The following TEDC1 variants were observed in gnomAD, a reference collection of about 807,000 sequenced individuals.
TEDC1 encodes the protein tubulin epsilon and delta complex 1, also known as tubulin epsilon and delta complex protein 1.
TEDC1 carries 54 observed loss-of-function variants against 59.9 expected under a neutral mutation model. The observed-to-expected ratio is 0.90, with a 90% CI of 0.72 to 1.13. The LOEUF (loss-of-function observed/expected upper bound fraction) is 1.13. Ranked by LOEUF, TEDC1 falls within the 50% of genes most tolerant of loss-of-function variation. The pLI, the probability that TEDC1 is intolerant of heterozygous loss-of-function variation, is 0.00. For synonymous variants in TEDC1, 353 were observed against 298.1 expected, an observed-to-expected ratio of 1.18 and a Z score of -1.90; for missense variants, 734 against 683.4, an observed-to-expected ratio of 1.07 and a Z score of -0.83.
At chr14:105,493,372 C>T (rs1479892804) in intron 4 of TEDC1, among the ~76,000 whole-genome samples, 1 of 151,960 alleles carries the variant, frequency 6.6e-6, no homozygotes, top group Non-Finnish European at 1.5e-5. Flanking sequence ...GCACCAGCTG[C>T]TCCGCTTACT....
Position 105,498,905 on chromosome 14 carries a change from G to T in TEDC1, c.1447G>T (p.Ala483Ser). The T allele has an allele frequency of 6.2e-7, 1 of 1,610,954 alleles. No individual in the cohort carries two copies. Among genetic ancestry groups the T allele is most frequent in the Non-Finnish European group, 8.5e-7 (1 of 1,179,540 alleles). Residue 483 changes from alanine to serine, a missense_variant, in exon 9 of 9, where the codon GCC becomes TCC. Transcript: ENST00000392523. ...CRQELARLVG[A>S]RPGLIWIPPP... The stretch of plus-strand genomic sequence containing the variant: ...GCAGGAACTGGCCAGGCTGGTGGGA[G>T]CCCGCCCTGGTCTCATCTGGATCCC...
intron 3 of TEDC1, 79 bp downstream of exon 3, chr14:105,492,388 C>A: frequency 6.4e-7 from 1 of 1,562,632 alleles, no homozygotes; most frequent in Non-Finnish European, 8.7e-7. Context: ...CTGGGTCAGC[C>A]CCCTCTGTCT....
chr14:105,498,101 T>G, intron 8 of TEDC1, 124 bp downstream of exon 8: 1 of 1,209,992 alleles, frequency 8.3e-7, no homozygotes, highest in South Asian at 1.7e-5. Context: ...GGGACACACT[T>G]AGAGGCACGT....
intron 6 of TEDC1, chr14:105,496,287 T>G: frequency 1.7e-6 from 1 of 603,254 alleles, no homozygotes; most frequent in Non-Finnish European, 2.9e-6. Context: ...GCTCTTCTTG[T>G]GGCGTGCTGG....
chr14:105,492,429 G>A (rs895894175), intron 3 of TEDC1, 120 bp downstream of exon 3: 4 of 1,501,392 alleles, frequency 2.7e-6, no homozygotes, highest in Non-Finnish European at 3.6e-6. Flanking sequence ...CCCATGAAGG[G>A]TTACCCAGCT....
chr14:105,490,152 G>T (rs1595467137), upstream of TEDC1: 1 of 149,902 alleles, frequency 6.7e-6, no homozygotes, highest in Admixed American at 6.6e-5. Context: ...GGGAGAGGAG[G>T]GGCTTGCTGG....
chr14:105,493,618 C>T (rs1405852061), intron 4 of TEDC1, among the ~76,000 whole-genome samples: 2 of 152,218 alleles, frequency 1.3e-5, no homozygotes, highest in Non-Finnish European at 2.9e-5. Flanking sequence ...AGTGAAATTG[C>T]CTGGCGCCCC....
rs185093200 is a variant in TEDC1, at chr14:105,499,109, T to A, written c.*163T>A. 4.7e-5 allele frequency: 36 copies of A among 760,028 alleles called. No individual in the cohort carries two copies. Among genetic ancestry groups the A allele is most frequent in the African/African-American group, 4.2e-4 (24 of 56,914 alleles). 47.1% of individuals were successfully genotyped at this position (760,028 alleles called of 1,614,324 possible). On this transcript the variant is annotated 3_prime_UTR_variant, in exon 9 of 9. Transcript: ENST00000392523. ...TGGGGCTGGGCTGACTCTGGCCGGATCCCAGGCCTGTGGCTAGCAGCACTG... is the reference window on the plus strand; with the variant it reads ...TGGGGCTGGGCTGACTCTGGCCGGAACCCAGGCCTGTGGCTAGCAGCACTG...
At chr14:105,497,096 C>G in intron 6 of TEDC1, 2 of 557,118 alleles carry the variant, frequency 3.6e-6, no homozygotes, top group Non-Finnish European at 3.2e-6. Flanking sequence ...TCTTGCCTGG[C>G]AGGCAGGGCC....
chr14:105,497,908 G>T lies in TEDC1; in HGVS notation c.1089G>T (p.Arg363=). 2.6e-6 allele frequency: 4 copies of T among 1,553,244 alleles called. No homozygotes were observed. The highest frequency in any genetic ancestry group is 3.5e-6 in the Non-Finnish European group (4 of 1,148,536). The part of the protein sequence containing the change: ...RGGGELDLVV[R]ELQALEEELR... ...GTGGCGAGTTGGACCTGGTAGTGCG[G>T]GAGCTGCAGGCACTGGAGGAGGAGC... Residue 363 remains arginine (R), a synonymous_variant, in exon 8 of 9, where the codon CGG becomes CGT. Coordinates refer to ENST00000392523, the MANE Select transcript of TEDC1 (RefSeq NM_001367178.1).
At chr14:105,494,402 C>T in intron 5 of TEDC1, 1 of 199,080 alleles carries the variant, frequency 5.0e-6, no homozygotes, top group South Asian at 7.7e-5. Context: ...AACCCAAGGC[C>T]AGGCCCACAT....
At chr14:105,492,389 C>G in intron 3 of TEDC1, 80 bp downstream of exon 3, 1 of 1,561,970 alleles carries the variant, frequency 6.4e-7, no homozygotes, top group Non-Finnish European at 8.7e-7. Flanking sequence ...TGGGTCAGCC[C>G]CCTCTGTCTG....
rs983436624 is a variant in TEDC1 at position 105,496,053 on chromosome 14, C to T, written c.858C>T (p.Ala286=). Residue 286 remains alanine (A), a synonymous_variant, in exon 6 of 9, where the codon GCC becomes GCT. Transcript: ENST00000392523. ...DWAAPLDPGG[A]SACSLLSPFR... The stretch of plus-strand genomic sequence containing the variant: ...CAGCACCCTTGGATCCTGGTGGGGC[C>T]TCAGCCTGCAGCCTGCTCTCCCCTT... 13 of 1,547,970 alleles carry T rather than the reference C, an allele frequency of 8.4e-6. No homozygotes were observed. The highest frequency in any genetic ancestry group is 2.7e-5 in the African/African-American group (2 of 72,830).
In TEDC1 at chr14:105,499,105, C is replaced by T. The variant is rs117620775; in HGVS notation, c.*159C>T. 733 of 786,868 alleles carry T rather than the reference C, an allele frequency of 9.3e-4. 3 individuals are homozygous for T. Among genetic ancestry groups the T allele is most frequent in the Middle Eastern group, 6.0e-3 (16 of 2,660 alleles). 48.7% of individuals were successfully genotyped at this position (786,868 alleles called of 1,614,324 possible). On this transcript the variant is annotated 3_prime_UTR_variant, in exon 9 of 9. Transcript: ENST00000392523. ...GGGGTGGGGCTGGGCTGACTCTGGC[C>T]GGATCCCAGGCCTGTGGCTAGCAGC...
At chr14:105,490,212 G>C (rs1370738672), upstream of TEDC1, 2 of 152,196 alleles carry the variant, frequency 1.3e-5, no homozygotes, top group Non-Finnish European at 2.9e-5. Context: ...AGAGGAGGTC[G>C]GGGGCGAAGG....
chr14:105,490,991 AGCCCGGAAGTGGGTCC>A, upstream of TEDC1: 1 of 1,534,728 alleles, frequency 6.5e-7, no homozygotes, highest in Non-Finnish European at 8.8e-7. Context: ...CCCTGCCAGG[AGCCCGGAAGTGGGTCC>A]GCACGAGACA....
At chr14:105,496,627 A>T (rs6576109) in intron 6 of TEDC1, 133,388 of 164,360 alleles carry the variant, frequency 0.81, 60,600 homozygotes, top group Non-Finnish European at 0.99. Context: ...ATAGCCCATG[A>T]GCGAACCTGG....
chr14:105,497,437 G>C lies in TEDC1; in HGVS notation c.972G>C (p.Arg324=), dbSNP rs782719524. 1.3e-6 allele frequency: 2 copies of C among 1,547,686 alleles called. No individual in the cohort carries two copies. The highest frequency in any genetic ancestry group is 2.0e-5 in the Admixed American group (1 of 51,182). Residue 324 remains arginine (R), a synonymous_variant, in exon 7 of 9, where the codon CGG becomes CGC. Coordinates refer to ENST00000392523, the MANE Select transcript of TEDC1 (RefSeq NM_001367178.1). The part of the protein sequence containing the change: ...AWRRSELVFW[R]WMDTVLGTCA... Reference sequence around the variant, plus strand: ...GGCGCTCTGAGCTGGTCTTCTGGCGGTGGATGGTGAGGAAGCCCGCGCATC... The same window carrying C: ...GGCGCTCTGAGCTGGTCTTCTGGCGCTGGATGGTGAGGAAGCCCGCGCATC...
In TEDC1 at chr14:105,497,302, G is replaced by C. The variant is rs1036034296; in HGVS notation, c.892-55G>C. On this transcript the variant is annotated intron_variant, in intron 6 of 8. Transcript: ENST00000392523. ...GCTGGGTCCAGCTGTCCATCCGACTGTCTGTCCATGGGGTCCCGTGTGAGG... is the reference window on the plus strand; with the variant it reads ...GCTGGGTCCAGCTGTCCATCCGACTCTCTGTCCATGGGGTCCCGTGTGAGG... 37 of 1,508,576 alleles carry C rather than the reference G, an allele frequency of 2.5e-5. No homozygotes were observed. In the East Asian group the frequency reaches 6.1e-4, roughly 25 times the overall value. 93.4% of individuals were successfully genotyped at this position (1,508,576 alleles called of 1,614,324 possible). A position where few individuals can be genotyped will look rare whatever the true frequency, so the allele number is the denominator to read the frequency against.
Sources: gnomAD v4.1 joint callset for allele counts (sites outside exome capture counted in the v4.1 genomes callset) on GRCh38, gnomAD v4.1.1 for gene constraint, MANE v1.5 for transcripts, NCBI Gene and HGNC (gene_info 2026-07-23, HGNC 2026-07-21) for gene names.